The following AR variants were observed in gnomAD, a reference collection of about 807,000 sequenced individuals.
AR encodes dihydrotestosterone receptor.
Under a neutral mutation model 53.9 loss-of-function variants are expected in AR, and 8 were observed. The ratio of observed to expected loss-of-function variants is 0.15; its 90% CI spans 0.09 to 0.27. The LOEUF is 0.27. Ranked by LOEUF, AR falls within the 10% of genes least tolerant of loss-of-function variation. AR has a pLI of 1.00. For missense variants in AR, 639 were observed against 742.5 expected (o/e 0.86, Z 1.62); for synonymous variants, 359 against 316.4 (o/e 1.13, Z -1.43).
chrX:67,637,886 T>A (rs1183325010), intron 1 of AR, among the ~76,000 whole-genome samples: 1 of 110,993 alleles, frequency 9.0e-6, no homozygotes. Flanking sequence ...ACAGGTTTGT[T>A]ACATAGGTAC....
intron 1 of AR, chrX:67,568,900 T>A (rs1022318742): frequency 1.0e-4 from 120 of 1,204,237 alleles, no homozygotes; most frequent in Non-Finnish European, 1.3e-4. Context: ...CCTATGCAAA[T>A]GCCTGCCTGA....
At chrX:67,696,185 A>G (rs1343869452) in intron 3 of AR, 2 of 695,138 alleles carry the variant, frequency 2.9e-6, no homozygotes, top group East Asian at 1.6e-4. Flanking sequence ...TTTCCAGGTC[A>G]TGCTGACCTG....
chrX:67,660,804 C>A (rs755487024), intron 2 of AR, among the ~76,000 whole-genome samples: 2 of 111,581 alleles, frequency 1.8e-5, no homozygotes, highest in South Asian at 7.6e-4. Flanking sequence ...TTACCTTGGG[C>A]AGTATGGCCA....
At position 67,725,234 on chromosome X, in the gene AR, T is replaced by C. The variant is rs1010267813; in HGVS notation, c.*1393T>C. ...AAGAAGGTTAGCAGGCCAACAGCTCTGACATCTATCTGTAGATGCCAGTAG... is the reference window on the plus strand; with the variant it reads ...AAGAAGGTTAGCAGGCCAACAGCTCCGACATCTATCTGTAGATGCCAGTAG... On this transcript the variant is annotated 3_prime_UTR_variant, in exon 8 of 8. Coordinates refer to ENST00000374690, the MANE Select transcript of AR (RefSeq NM_000044.6). The C allele has an allele frequency of 9.8e-5, 17 of 173,517 alleles. No individual in the cohort carries two copies. The highest frequency in any genetic ancestry group is 5.0e-4 in the African/African-American group (17 of 33,719). The allele number at this position is 173,517 out of a possible 1,213,427, so 14.3% of individuals were successfully genotyped here.
intron 1 of AR, among the ~76,000 whole-genome samples, chrX:67,606,372 C>T (rs1453562924): frequency 2.7e-5 from 3 of 111,523 alleles, no homozygotes; most frequent in East Asian, 5.6e-4. Flanking sequence ...TACAATGTGA[C>T]GTTATGATAT....
intron 1 of AR, among the ~76,000 whole-genome samples, chrX:67,628,258 C>T (rs1326653654): frequency 3.8e-5 from 4 of 106,345 alleles, no homozygotes; most frequent in Non-Finnish European, 7.8e-5. Context: ...ATTGATTCTT[C>T]CTACCCATGA....
intron 5 of AR, among the ~76,000 whole-genome samples, chrX:67,719,480 T>C (rs2076127000): frequency 9.0e-6 from 1 of 111,262 alleles, no homozygotes. Context: ...GGTCCAGTCT[T>C]GTTCATCTTA....
rs749491804 is a variant in AR at position 67,583,900 on chromosome X, T to C, written c.1616+37138T>C. Among the ~76,000 whole-genome samples, 6 of 111,880 alleles carry C rather than the reference T, an allele frequency of 5.4e-5. No individual in the cohort carries two copies. The East Asian group carries it at 1.7e-3, about 32-fold the overall frequency. ...ACCCCTAGAAAATCCTGGTGAAGTT[T>C]TTCTGGTGTCAGTTTGGTCTTAATG... On this transcript the variant is annotated intron_variant, in intron 1 of 7. Coordinates refer to ENST00000374690, the MANE Select transcript of AR (RefSeq NM_000044.6).
At chrX:67,637,100 C>T (rs1444114484) in intron 1 of AR, among the ~76,000 whole-genome samples, 1 of 110,789 alleles carries the variant, frequency 9.0e-6, no homozygotes, top group Non-Finnish European at 1.9e-5. Context: ...CTTTAAAAAA[C>T]ATTTTTTAAT....
At chrX:67,591,356 T>C (rs771748214) in intron 1 of AR, among the ~76,000 whole-genome samples, 53 of 110,992 alleles carry the variant, frequency 4.8e-4, no homozygotes, top group Non-Finnish European at 7.4e-4. Context: ...AAGAAATGCA[T>C]AGAGAGAAAA....
chrX:67,600,550 A>T (rs1469617519), intron 1 of AR, among the ~76,000 whole-genome samples: 2 of 111,237 alleles, frequency 1.8e-5, no homozygotes, highest in African/African-American at 6.5e-5. Flanking sequence ...GCTAGAAAGG[A>T]TAGTTGGTGG....
At chrX:67,555,264 T>C (rs1346744209) in intron 1 of AR, among the ~76,000 whole-genome samples, 2 of 111,884 alleles carry the variant, frequency 1.8e-5, no homozygotes, top group Admixed American at 1.9e-4. Context: ...CTTTTAATCC[T>C]TCGTGGAAGT....
At chrX:67,715,151 C>A (rs2076108062) in intron 4 of AR, among the ~76,000 whole-genome samples, 1 of 111,359 alleles carries the variant, frequency 9.0e-6, no homozygotes, top group Non-Finnish European at 1.9e-5. Context: ...CAGCCAAAAG[C>A]TTTTCTTGCT....
chrX:67,624,570 A>G (rs959584005), intron 1 of AR, among the ~76,000 whole-genome samples: 1 of 111,438 alleles, frequency 9.0e-6, no homozygotes, highest in African/African-American at 3.3e-5. Context: ...CACAAAAATA[A>G]AACTGCAGGC....
At chrX:67,675,357 C>G (rs1377450523) in intron 2 of AR, among the ~76,000 whole-genome samples, 1 of 110,798 alleles carries the variant, frequency 9.0e-6, no homozygotes, top group Admixed American at 9.7e-5. Context: ...GGCTAGCACA[C>G]CAGGATTTGA....
At chrX:67,640,556 C>T (rs1333499173) in intron 1 of AR, among the ~76,000 whole-genome samples, 2 of 110,731 alleles carry the variant, frequency 1.8e-5, no homozygotes, top group African/African-American at 6.6e-5. Flanking sequence ...AGGGTATATG[C>T]GTTCAGGAAT....
chrX:67,559,483 C>T (rs1921205125), intron 1 of AR, among the ~76,000 whole-genome samples: 1 of 111,855 alleles, frequency 8.9e-6, no homozygotes, highest in African/African-American at 3.2e-5. Flanking sequence ...TGACAAGATG[C>T]TACCTCCGTC....
chrX:67,722,378 G>A (rs923063836), intron 6 of AR, among the ~76,000 whole-genome samples: 3 of 111,931 alleles, frequency 2.7e-5, no homozygotes, highest in Non-Finnish European at 5.6e-5. Flanking sequence ...GGAGATCTAT[G>A]TAAGCAACTC....
chrX:67,647,846 G>A (rs1312779734), intron 2 of AR, among the ~76,000 whole-genome samples: 1 of 111,788 alleles, frequency 8.9e-6, no homozygotes, highest in East Asian at 2.8e-4. Context: ...GGAACTAATG[G>A]GAGTAGCTGT....
Sources: gnomAD v4.1 joint callset for allele counts (sites outside exome capture counted in the v4.1 genomes callset) on GRCh38, gnomAD v4.1.1 for gene constraint, MANE v1.5 for transcripts, NCBI Gene and HGNC (gene_info 2026-07-23, HGNC 2026-07-21) for gene names.